Variants in RALYL observed in about 807,000 individuals in gnomAD.
RALYL encodes the protein RNA-binding Raly-like protein.
RALYL carries 29 observed loss-of-function variants against 35.1 expected under a neutral mutation model. The observed-to-expected ratio is 0.83, with a 90% CI of 0.61 to 1.13. RALYL has a LOEUF of 1.13. RALYL is among the 50% of genes most tolerant of loss of function. The pLI, the probability that RALYL is intolerant of heterozygous loss-of-function variation, is 0.00. For synonymous variants in RALYL, 120 were observed against 127.6 expected (o/e 0.94, Z 0.40); for missense variants, 359 against 360.4 (o/e 1.00, Z 0.03).
chr8:84,313,224 C>T (rs1298357326), intron 1 of RALYL, among the ~76,000 whole-genome samples: 2 of 152,162 alleles, frequency 1.3e-5, no homozygotes, highest in African/African-American at 4.8e-5. Context: ...GGAATGGAGC[C>T]CTAGACCTGG....
At chr8:84,515,640 T>C (rs144090297) in intron 1 of RALYL, among the ~76,000 whole-genome samples, 88 of 152,316 alleles carry the variant, frequency 5.8e-4, no homozygotes, top group African/African-American at 2.0e-3. Flanking sequence ...TCTCTTCTAT[T>C]TGATTTAGAT....
intron 7 of RALYL, among the ~76,000 whole-genome samples, chr8:84,875,167 T>G (rs1840906562): frequency 6.6e-6 from 1 of 152,070 alleles, no homozygotes; most frequent in Admixed American, 6.5e-5. Flanking sequence ...AACTGAAATA[T>G]TCTGTCATGT....
At chr8:84,364,845 T>C (rs1033689477) in intron 1 of RALYL, among the ~76,000 whole-genome samples, 2 of 152,150 alleles carry the variant, frequency 1.3e-5, no homozygotes, top group Non-Finnish European at 2.9e-5. Flanking sequence ...CAAAATTAGT[T>C]GAACACATTT....
At chr8:84,660,395 T>C (rs1265131573) in intron 2 of RALYL, among the ~76,000 whole-genome samples, 1 of 152,086 alleles carries the variant, frequency 6.6e-6, no homozygotes, top group Non-Finnish European at 1.5e-5. Context: ...TGTTGTTAAT[T>C]TCTGCTTTAA....
chr8:84,839,830 C>A (rs1832823908), intron 4 of RALYL, among the ~76,000 whole-genome samples: 1 of 152,210 alleles, frequency 6.6e-6, no homozygotes, highest in African/African-American at 2.4e-5. Flanking sequence ...TGTTCTGCAG[C>A]CACGACTGCT....
chr8:84,291,052 G>C (rs2132227277), intron 1 of RALYL, among the ~76,000 whole-genome samples: 1 of 152,110 alleles, frequency 6.6e-6, no homozygotes, highest in South Asian at 2.1e-4. Context: ...ATTCTATACT[G>C]TTGAAATACT....
intron 1 of RALYL, among the ~76,000 whole-genome samples, chr8:84,230,408 A>C (rs114715557): frequency 3.2e-4 from 48 of 152,246 alleles, no homozygotes; most frequent in African/African-American, 1.2e-3. Flanking sequence ...TGACAAAAAT[A>C]AACAAAATAA....
At chr8:84,523,789 G>C (rs1379239087) in intron 1 of RALYL, among the ~76,000 whole-genome samples, 1 of 151,424 alleles carries the variant, frequency 6.6e-6, no homozygotes, top group African/African-American at 2.4e-5. Flanking sequence ...TCTTGCGATA[G>C]TTTACTGAGA....
At chr8:84,630,048 C>T (rs973329494) in intron 2 of RALYL, among the ~76,000 whole-genome samples, 7 of 151,936 alleles carry the variant, frequency 4.6e-5, no homozygotes, top group African/African-American at 1.7e-4. Flanking sequence ...CAAGAGAAAA[C>T]ATCATTTAAG....
At chr8:84,261,504 A>G (rs554344625) in intron 1 of RALYL, among the ~76,000 whole-genome samples, 1 of 152,240 alleles carries the variant, frequency 6.6e-6, no homozygotes, top group East Asian at 1.9e-4. Flanking sequence ...CCCTTCTGCC[A>G]TGATTATATG....
intron 1 of RALYL, among the ~76,000 whole-genome samples, chr8:84,265,047 C>T (rs1341991472): frequency 6.6e-6 from 1 of 152,224 alleles, no homozygotes; most frequent in East Asian, 1.9e-4. Flanking sequence ...AGCAAAAGTG[C>T]TGTCATGAGC....
intron 2 of RALYL, among the ~76,000 whole-genome samples, chr8:84,570,172 T>C (rs1037935329): frequency 6.6e-6 from 1 of 151,972 alleles, no homozygotes; most frequent in African/African-American, 2.4e-5. Flanking sequence ...TAGGTGGCCT[T>C]GGGCAGTATA....
At chr8:84,596,415 T>C (rs1434566125) in intron 2 of RALYL, among the ~76,000 whole-genome samples, 1 of 152,188 alleles carries the variant, frequency 6.6e-6, no homozygotes, top group East Asian at 1.9e-4. Context: ...TGGTTTTAAA[T>C]TCTCAGGAAA....
intron 1 of RALYL, among the ~76,000 whole-genome samples, chr8:84,431,281 C>G (rs1003963763): frequency 3.3e-5 from 5 of 152,046 alleles, no homozygotes; most frequent in Admixed American, 2.0e-4. Context: ...GGAAGCCAGG[C>G]ATTTTGACTC....
rs936174069 is a variant in RALYL, at chr8:84,353,588, G to A, written c.-24+169164G>A. Among the ~76,000 whole-genome samples the A allele has an allele frequency of 2.0e-5, 3 of 150,202 alleles. 1 individual carries two copies. Among genetic ancestry groups the A allele is most frequent in the African/African-American group, 7.4e-5 (3 of 40,326 alleles). On this transcript the variant is annotated intron_variant, in intron 1 of 8. Coordinates refer to ENST00000521268, the MANE Select transcript of RALYL (RefSeq NM_173848.7). ...TCTACTTTTAGATATGCAAATTTAC[G>A]ATTAATCAATGAGTCACTGAGAAAG...
intron 1 of RALYL, among the ~76,000 whole-genome samples, chr8:84,372,830 A>C (rs1286321452): frequency 7.6e-6 from 1 of 131,554 alleles, no homozygotes; most frequent in East Asian, 2.4e-4. Context: ...ACTAATTTAC[A>C]CTCCCACCAA....
chr8:84,282,747 CGTGT>C (rs5892909), intron 1 of RALYL, among the ~76,000 whole-genome samples: 4,540 of 148,522 alleles, frequency 0.031, 77 homozygotes, highest in South Asian at 0.057. Flanking sequence ...TATGTGTATG[CGTGT>C]GTGTGTGTGT....
At chr8:84,738,834 G>A (rs1847794083) in intron 2 of RALYL, among the ~76,000 whole-genome samples, 1 of 151,978 alleles carries the variant, frequency 6.6e-6, no homozygotes, top group Non-Finnish European at 1.5e-5. Context: ...AACCTATTGA[G>A]TGTTTAATTA....
intron 1 of RALYL, among the ~76,000 whole-genome samples, chr8:84,433,464 C>T (rs1254989652): frequency 6.6e-6 from 1 of 152,090 alleles, no homozygotes; most frequent in Non-Finnish European, 1.5e-5. Context: ...GCTGTGTCCC[C>T]ACCCAAATCT....
Sources: gnomAD v4.1 joint callset for allele counts (sites outside exome capture counted in the v4.1 genomes callset) on GRCh38, gnomAD v4.1.1 for gene constraint, MANE v1.5 for transcripts, NCBI Gene and HGNC (gene_info 2026-07-23, HGNC 2026-07-21) for gene names.